The following SLC1A6 variants were observed in gnomAD, a reference collection of about 807,000 sequenced individuals.
SLC1A6 encodes the protein solute carrier family 1 member 6.
In SLC1A6, 15 loss-of-function variants were observed where a neutral mutation model predicts 42.1. The ratio of observed to expected loss-of-function variants is 0.36; its 90% CI spans 0.24 to 0.55. The LOEUF is 0.55. Among genes scored for constraint, SLC1A6 ranks in the 20% least tolerant of loss-of-function variants. The pLI, the probability that SLC1A6 is intolerant of heterozygous loss-of-function variation, is 0.88. For synonymous variants in SLC1A6, 317 were observed against 319.7 expected, an observed-to-expected ratio of 0.99 and a Z score of 0.09; for missense variants, 542 against 772.5, an observed-to-expected ratio of 0.70 and a Z score of 3.54.
intron 1 of SLC1A6, among the ~76,000 whole-genome samples, chr19:15,007,725 A>G (rs1266381792): frequency 6.6e-6 from 1 of 152,096 alleles, no homozygotes; most frequent in African/African-American, 2.4e-5. Flanking sequence ...AGAAATGCCA[A>G]TTAAAATCAC....
upstream of SLC1A6, among the ~76,000 whole-genome samples, chr19:14,983,384 C>T (rs1339726034): frequency 6.6e-6 from 1 of 152,052 alleles, no homozygotes; most frequent in East Asian, 1.9e-4. Flanking sequence ...TTTCTAAGCT[C>T]TAGAAGGTTG....
upstream of SLC1A6, among the ~76,000 whole-genome samples, chr19:14,980,541 C>A (rs2045760476): frequency 6.6e-6 from 1 of 151,618 alleles, no homozygotes; most frequent in Non-Finnish European, 1.5e-5. Context: ...CCTGTAATCC[C>A]AGCACTTTGG....
intron 1 of SLC1A6, 80 bp from the exon 2 acceptor site, chr19:14,972,997 G>T: frequency 9.0e-7 from 1 of 1,112,076 alleles, no homozygotes; most frequent in Non-Finnish European, 1.3e-6. Flanking sequence ...GGCTGCGAAG[G>T]GTAATGAGCG....
At chr19:14,969,369 C>A (rs1351410701) in intron 3 of SLC1A6, among the ~76,000 whole-genome samples, 6 of 152,180 alleles carry the variant, frequency 3.9e-5, no homozygotes, top group Non-Finnish European at 5.9e-5. Flanking sequence ...AGCTGCCTTG[C>A]CCATAGAAAC....
rs200245875 is a variant in SLC1A6 at position 15,005,577 on chromosome 19, GTGTCCAAAA to G, written c.6+4899_6+4907del. Among the ~76,000 whole-genome samples, 742 of 152,294 alleles carry G rather than the reference GTGTCCAAAA, an allele frequency of 4.9e-3. 11 individuals carry two copies. Among genetic ancestry groups the G allele is most frequent in the African/African-American group, 0.017 (718 of 41,556 alleles). Reference sequence around the variant, plus strand: ...TTCAAATACATATCAGGCTAGAGAAGTGTCCAAAATGGGTCATCAAAGCCAGGAGCTAGC... The same window carrying G: ...TTCAAATACATATCAGGCTAGAGAAGTGGGTCATCAAAGCCAGGAGCTAGC... On this transcript the variant is annotated intron_variant, in intron 1 of 8. Coordinates refer to the SLC1A6 transcript ENST00000430939.
chr19:15,003,493 C>A (rs1205391318), intron 1 of SLC1A6, among the ~76,000 whole-genome samples: 1 of 151,928 alleles, frequency 6.6e-6, no homozygotes, highest in East Asian at 1.9e-4. Context: ...AGGTCATATC[C>A]CCCTGGAATG....
upstream of SLC1A6, among the ~76,000 whole-genome samples, chr19:14,982,383 G>A (rs1364563096): frequency 6.6e-6 from 1 of 152,062 alleles, no homozygotes; most frequent in Non-Finnish European, 1.5e-5. Flanking sequence ...TATAAAATTA[G>A]CCAGGCATGG....
upstream of SLC1A6, among the ~76,000 whole-genome samples, chr19:14,981,233 C>G (rs1002173585): frequency 6.6e-6 from 1 of 150,998 alleles, no homozygotes; most frequent in Non-Finnish European, 1.5e-5. Flanking sequence ...TTTGAGGTTA[C>G]AGTGAGCTAT....
chr19:14,950,461 A>AG (rs1026664143), intron 9 of SLC1A6, 71 bp from the exon 10 acceptor site: 7 of 1,235,374 alleles, frequency 5.7e-6, no homozygotes, highest in South Asian at 1.6e-5. Flanking sequence ...GGTGCAGCAG[A>AG]GGGGGGTCCC....
chr19:14,980,783 A>T (rs1433272033), upstream of SLC1A6, among the ~76,000 whole-genome samples: 1 of 151,820 alleles, frequency 6.6e-6, no homozygotes, highest in African/African-American at 2.4e-5. Context: ...TAATCTACAC[A>T]CTCCTATAAA....
upstream of SLC1A6, among the ~76,000 whole-genome samples, chr19:14,980,730 C>A (rs1467921646): frequency 1.3e-5 from 2 of 151,406 alleles, no homozygotes; most frequent in African/African-American, 4.9e-5. Flanking sequence ...GTGTTGATGG[C>A]GACCTCCTGA....
upstream of SLC1A6, among the ~76,000 whole-genome samples, chr19:14,981,359 C>A (rs936906945): frequency 6.6e-6 from 1 of 152,060 alleles, no homozygotes; most frequent in Admixed American, 6.6e-5. Context: ...CCAAGCACAT[C>A]AGCATACCTG....
chr19:15,008,188 T>C (rs2045905800), intron 1 of SLC1A6, among the ~76,000 whole-genome samples: 1 of 151,846 alleles, frequency 6.6e-6, no homozygotes, highest in Non-Finnish European at 1.5e-5. Context: ...TTACACAAAA[T>C]TTAAAAATTA....
At chr19:14,965,203 T>C (rs1429270253) in intron 4 of SLC1A6, among the ~76,000 whole-genome samples, 1 of 151,924 alleles carries the variant, frequency 6.6e-6, no homozygotes, top group Non-Finnish European at 1.5e-5. Context: ...GTATTTTTAG[T>C]AGAGACAGGG....
At chr19:14,987,479 ATTT>A (rs375243710) in intron 1 of SLC1A6, among the ~76,000 whole-genome samples, 8 of 151,112 alleles carry the variant, frequency 5.3e-5, no homozygotes, top group African/African-American at 1.7e-4. Context: ...GAAAAAAAAA[ATTT>A]TTTTTAATTA....
chr19:15,006,217 C>T (rs1206163026), intron 1 of SLC1A6, among the ~76,000 whole-genome samples: 2 of 152,168 alleles, frequency 1.3e-5, no homozygotes, highest in African/African-American at 2.4e-5. Flanking sequence ...ATCCTATTAC[C>T]TGAGTTGACA....
intron 1 of SLC1A6, among the ~76,000 whole-genome samples, chr19:15,001,249 G>A (rs953205709): frequency 4.6e-5 from 7 of 152,260 alleles, no homozygotes; most frequent in African/African-American, 1.7e-4. Flanking sequence ...AGAGAGGGAA[G>A]GAAAAGAATT....
At chr19:14,961,715 C>T (rs2045513153) in intron 6 of SLC1A6, 1 of 366,520 alleles carries the variant, frequency 2.7e-6, no homozygotes, top group African/African-American at 2.1e-5. Context: ...ATGAACAAAG[C>T]AGTGAATGAA....
intron 1 of SLC1A6, among the ~76,000 whole-genome samples, chr19:15,004,330 G>C (rs1477424845): frequency 6.6e-6 from 1 of 151,948 alleles, no homozygotes; most frequent in East Asian, 1.9e-4. Context: ...ACACACAGAG[G>C]CATGGTGGGG....
Sources: allele counts gnomAD v4.1 joint callset (sites outside exome capture counted in the v4.1 genomes callset), GRCh38; gene constraint gnomAD v4.1.1; transcripts MANE v1.5; gene names NCBI Gene and HGNC (gene_info 2026-07-23, HGNC 2026-07-21).